TRAF3: variants seen among roughly 807,000 people sequenced by gnomAD.
TRAF3 encodes TNF receptor-associated factor 3.
In TRAF3, 13 loss-of-function variants were observed where a neutral mutation model predicts 62.3. The observed-to-expected ratio is 0.21, with a 90% CI of 0.14 to 0.33. The LOEUF is 0.33. Ranked by LOEUF, TRAF3 falls within the 10% of genes least tolerant of loss-of-function variation. The probability of loss-of-function intolerance (pLI) is 1.00; values close to 1 mark genes in which losing one functional copy is unlikely to be tolerated. For synonymous variants in TRAF3, 269 were observed against 283.4 expected (o/e 0.95, Z 0.51); for missense variants, 440 against 741.8 (o/e 0.59, Z 4.73).
chr14:102,850,617 C>G (rs1886975872), intron 2 of TRAF3, among the ~76,000 whole-genome samples: 1 of 145,164 alleles, frequency 6.9e-6, no homozygotes, highest in Non-Finnish European at 1.5e-5. Flanking sequence ...TCGTTTGAAC[C>G]TGGGAGGCGT....
At chr14:102,819,974 C>T (rs1340177136) in intron 1 of TRAF3, among the ~76,000 whole-genome samples, 1 of 152,202 alleles carries the variant, frequency 6.6e-6, no homozygotes, top group Non-Finnish European at 1.5e-5. Flanking sequence ...CTGCTTGTCA[C>T]GCATTATGCA....
At chr14:102,840,730 G>C (rs1013538117) in intron 2 of TRAF3, among the ~76,000 whole-genome samples, 3 of 152,002 alleles carry the variant, frequency 2.0e-5, no homozygotes, top group African/African-American at 7.3e-5. Context: ...TGTGCCTAAG[G>C]CAAGTACCTC....
intron 1 of TRAF3, among the ~76,000 whole-genome samples, chr14:102,819,741 G>A (rs1486685862): frequency 6.6e-6 from 1 of 152,214 alleles, no homozygotes; most frequent in Non-Finnish European, 1.5e-5. Context: ...GTACCGTATA[G>A]TATAGGACAT....
chr14:102,818,457 G>A (rs567993419), intron 1 of TRAF3, among the ~76,000 whole-genome samples: 1 of 152,300 alleles, frequency 6.6e-6, no homozygotes, highest in South Asian at 2.1e-4. Flanking sequence ...CTTTCTTCTT[G>A]TGGACAGATC....
intron 1 of TRAF3, among the ~76,000 whole-genome samples, chr14:102,783,733 C>T (rs1897359646): frequency 6.6e-6 from 1 of 152,098 alleles, no homozygotes; most frequent in African/African-American, 2.4e-5. Flanking sequence ...TGGAGCTGTC[C>T]ACCCCACAGC....
At chr14:102,805,877 G>T (rs528978679) in intron 1 of TRAF3, among the ~76,000 whole-genome samples, 13 of 152,156 alleles carry the variant, frequency 8.5e-5, no homozygotes, top group Non-Finnish European at 1.8e-4. Flanking sequence ...AGTTTCACTA[G>T]AGGATGTCAT....
intron 4 of TRAF3, among the ~76,000 whole-genome samples, chr14:102,872,231 G>A (rs34143238): frequency 0.014 from 2,147 of 152,248 alleles, 23 homozygotes; most frequent in Non-Finnish European, 0.018. Context: ...TGCTAAGACC[G>A]CAGGGAGCTG....
chr14:102,895,702 CGTT>C (rs1359615953), intron 9 of TRAF3, among the ~76,000 whole-genome samples: 1 of 152,194 alleles, frequency 6.6e-6, no homozygotes, highest in African/African-American at 2.4e-5. Flanking sequence ...AAGAAACCCT[CGTT>C]GGAGTTACCC....
intron 1 of TRAF3, among the ~76,000 whole-genome samples, chr14:102,785,887 T>A (rs1897475290): frequency 6.6e-6 from 1 of 152,166 alleles, no homozygotes; most frequent in Non-Finnish European, 1.5e-5. Flanking sequence ...GAGGGTAGAT[T>A]TCTTTGTTCT....
At chr14:102,870,662 G>T (rs144171891) in intron 3 of TRAF3, among the ~76,000 whole-genome samples, 1 of 152,182 alleles carries the variant, frequency 6.6e-6, no homozygotes, top group African/African-American at 2.4e-5. Flanking sequence ...GACCTGCCCC[G>T]CCCGTGTCTT....
intron 2 of TRAF3, among the ~76,000 whole-genome samples, chr14:102,867,348 A>G (rs907689460): frequency 1.3e-5 from 2 of 152,220 alleles, no homozygotes; most frequent in African/African-American, 2.4e-5. Flanking sequence ...AAGACCTTAC[A>G]AAAATAGGCT....
intron 1 of TRAF3, among the ~76,000 whole-genome samples, chr14:102,808,491 C>T (rs1428403412): frequency 1.4e-5 from 2 of 141,522 alleles, no homozygotes; most frequent in East Asian, 2.1e-4. Flanking sequence ...CCAGCCTGGG[C>T]AACAGAGCGA....
Position 102,905,572 on chromosome 14 carries a change from A to T in TRAF3, c.1495A>T (p.Met499Leu). The T allele has an allele frequency of 6.2e-7, 1 of 1,614,156 alleles. No homozygotes were observed. The highest frequency in any genetic ancestry group is 2.2e-5 in the East Asian group (1 of 44,890). ...TAAGCAGAAAGTGACACTCATGCTGATGGATCAGGGGTCCTCTCGACGTCA... is the reference window on the plus strand; with the variant it reads ...TAAGCAGAAAGTGACACTCATGCTGTTGGATCAGGGGTCCTCTCGACGTCA... The part of the protein sequence containing the change: ...PFKQKVTLML[M>L]DQGSSRRHLG... The change falls in exon 12 of 12, where the codon ATG becomes TTG. Residue 499 changes from methionine to leucine, a missense_variant. By Grantham distance (15) the Met-to-Leu change is conservative. Around this residue, in one of 6 missense-constraint regions of TRAF3, gnomAD observed 59 missense variants for 120.9 expected, o/e 0.49. Coordinates refer to ENST00000392745, the MANE Select transcript of TRAF3 (RefSeq NM_145725.3).
intron 1 of TRAF3, among the ~76,000 whole-genome samples, chr14:102,813,378 A>G (rs1899315894): frequency 6.6e-6 from 1 of 151,300 alleles, no homozygotes; most frequent in Non-Finnish European, 1.5e-5. Flanking sequence ...TTTTTTATGT[A>G]TTTGGCCATT....
rs1235290905 is a variant in TRAF3, at chr14:102,870,446, G to T, written c.245G>T (p.Ser82Ile). Residue 82 changes from serine to isoleucine, a missense_variant and splice_region_variant, in exon 3 of 12, where the codon AGC (serine) becomes ATC (isoleucine). By Grantham distance (142) the Ser-to-Ile change is moderately radical. Around this residue, in one of 6 missense-constraint regions of TRAF3, gnomAD observed 255 missense variants for 424.1 expected, o/e 0.60. Coordinates refer to ENST00000392745, the MANE Select transcript of TRAF3 (RefSeq NM_145725.3). ...GAGAGCTGCATGGCGGCCCTGCTGA[G>T]GTAGGCGCCCTCGCCCGGCCCGTCG... ...FCESCMAALL[S>I]SSSPKCTACQ... 6.2e-7 allele frequency: 1 copy of T among 1,613,184 alleles called. No homozygotes were observed. The highest frequency in any genetic ancestry group is 2.2e-5 in the East Asian group (1 of 44,880).
chr14:102,810,121 T>C (rs1344724934), intron 1 of TRAF3, among the ~76,000 whole-genome samples: 1 of 152,134 alleles, frequency 6.6e-6, no homozygotes, highest in South Asian at 2.1e-4. Flanking sequence ...GGGAAAAAAG[T>C]TTGCCAACTC....
intron 2 of TRAF3, among the ~76,000 whole-genome samples, chr14:102,865,431 G>A (rs1887924847): frequency 6.6e-6 from 1 of 151,946 alleles, no homozygotes; most frequent in Non-Finnish European, 1.5e-5. Context: ...TAGAATTAGA[G>A]CTGCTTTCTG....
chr14:102,841,745 A>G (rs1886385143), intron 2 of TRAF3, among the ~76,000 whole-genome samples: 1 of 152,248 alleles, frequency 6.6e-6, no homozygotes, highest in Non-Finnish European at 1.5e-5. Flanking sequence ...AAGCAAGGAA[A>G]TGTGATATTA....
chr14:102,899,938 G>T (rs1355630896), intron 10 of TRAF3, among the ~76,000 whole-genome samples: 3 of 152,144 alleles, frequency 2.0e-5, no homozygotes, highest in Non-Finnish European at 4.4e-5. Context: ...CCAGCACTTT[G>T]GGAGGCCGAG....
Sources: gnomAD v4.1 joint callset for allele counts (sites outside exome capture counted in the v4.1 genomes callset) on GRCh38, gnomAD v4.1.1 for gene constraint, gnomAD v4.1.1 regional missense constraint, MANE v1.5 for transcripts, NCBI Gene and HGNC (gene_info 2026-07-23, HGNC 2026-07-21) for gene names.